The following ZDHHC21 variants were observed in gnomAD, a reference collection of about 807,000 sequenced individuals.
The protein encoded by ZDHHC21 is zDHHC palmitoyltransferase 21.
Under a neutral mutation model 34.6 loss-of-function variants are expected in ZDHHC21, and 15 were observed. The observed-to-expected ratio is 0.43, with a 90% CI of 0.29 to 0.67. The LOEUF is 0.67. ZDHHC21 is among the 30% of genes least tolerant of loss of function. The pLI is 0.14. For synonymous variants in ZDHHC21, 142 were observed against 101.8 expected, an observed-to-expected ratio of 1.40 and a Z score of -2.38; for missense variants, 344 against 327.7, an observed-to-expected ratio of 1.05 and a Z score of -0.38.
Position 14,624,422 on chromosome 9 carries a change from G to A in ZDHHC21, c.622-4740C>T, listed in dbSNP as rs114574601. Among the ~76,000 whole-genome samples, 932 of 152,166 alleles carry A rather than the reference G, an allele frequency of 6.1e-3. 8 individuals are homozygous for A. Among genetic ancestry groups the A allele is most frequent in the African/African-American group, 0.022 (895 of 41,532 alleles). ...AATAGCCAAGATATGGAATCAACCT[G>A]TGTCTAACAGCAGATGAATAAAGTA... On this transcript the variant is annotated intron_variant, in intron 8 of 9. Coordinates refer to ENST00000380916, the MANE Select transcript of ZDHHC21 (RefSeq NM_178566.6).
At chr9:14,644,494 TTGATTTTGTG>T (rs1829941896) in intron 7 of ZDHHC21, among the ~76,000 whole-genome samples, 1 of 151,966 alleles carries the variant, frequency 6.6e-6, no homozygotes, top group Non-Finnish European at 1.5e-5. Flanking sequence ...CTATAGTTGG[TTGATTTTGTG>T]TGTTTTTTTT....
chr9:14,590,221 G>C, the ZDHHC21 span, among the ~76,000 whole-genome samples: 13 of 152,060 alleles, frequency 8.5e-5, no homozygotes, highest in African/African-American at 3.1e-4. Flanking sequence ...GAGTGAACAT[G>C]AAACATAGAA....
downstream of ZDHHC21, among the ~76,000 whole-genome samples, chr9:14,607,679 A>C (rs1157496217): frequency 6.6e-6 from 1 of 152,054 alleles, no homozygotes; most frequent in Non-Finnish European, 1.5e-5. Context: ...GGTTATGTAA[A>C]TTTTAAAAAC....
intron 7 of ZDHHC21, among the ~76,000 whole-genome samples, chr9:14,648,412 C>T (rs1479075562): frequency 6.6e-6 from 1 of 152,010 alleles, no homozygotes; most frequent in East Asian, 1.9e-4. Flanking sequence ...AATAAAGTCT[C>T]CAGTCCAATC....
rs1330583379 is a variant in ZDHHC21, at chr9:14,619,615, T to C, written c.665+24A>G. ...AGTTCTTTCCAATTTTAAATAATAC[T>C]ATACACTTCAGTTTTATACTTACAT... is the stretch of plus-strand genomic sequence containing the variant. On this transcript the variant is annotated intron_variant, in intron 9 of 9. Coordinates refer to ENST00000380916, the MANE Select transcript of ZDHHC21 (RefSeq NM_178566.6). 3 of 1,388,674 alleles carry C rather than the reference T, an allele frequency of 2.2e-6. No individual in the cohort carries two copies. The Admixed American group carries it at 6.1e-5, about 28-fold the overall frequency. The allele number at this position is 1,388,674 out of a possible 1,614,324, so 86.0% of individuals were successfully genotyped here. A position where few individuals can be genotyped will look rare whatever the true frequency, so the allele number is the denominator to read the frequency against.
chr9:14,659,150 C>T (rs1292191635), intron 6 of ZDHHC21, among the ~76,000 whole-genome samples: 2 of 152,098 alleles, frequency 1.3e-5, no homozygotes, highest in East Asian at 1.9e-4. Flanking sequence ...GAAGAGCAGA[C>T]GGTAGTCTCC....
intron 7 of ZDHHC21, among the ~76,000 whole-genome samples, chr9:14,651,482 A>C (rs904451583): frequency 2.0e-5 from 3 of 151,870 alleles, no homozygotes; most frequent in Non-Finnish European, 2.9e-5. Flanking sequence ...AAGGTATTGA[A>C]CTTCTCTGAA....
intron 7 of ZDHHC21, among the ~76,000 whole-genome samples, chr9:14,641,422 A>G (rs759178845): frequency 7.2e-5 from 11 of 152,190 alleles, no homozygotes; most frequent in Non-Finnish European, 1.2e-4. Flanking sequence ...CTGCATTAAC[A>G]CTATTTAAAA....
chr9:14,621,177 C>T (rs1360846429), intron 8 of ZDHHC21, among the ~76,000 whole-genome samples: 2 of 151,792 alleles, frequency 1.3e-5, no homozygotes, highest in Admixed American at 6.6e-5. Context: ...TAGAAGTCAA[C>T]GAGAAAGCTG....
chr9:14,681,845 G>A (rs1338755430), intron 2 of ZDHHC21, among the ~76,000 whole-genome samples: 1 of 151,838 alleles, frequency 6.6e-6, no homozygotes, highest in Non-Finnish European at 1.5e-5. Context: ...AGATCTCTTG[G>A]CAGAAACTCT....
At chr9:14,598,226 C>A in the ZDHHC21 span, among the ~76,000 whole-genome samples, 1 of 152,132 alleles carries the variant, frequency 6.6e-6, no homozygotes, top group African/African-American at 2.4e-5. Context: ...CCAACTGCCT[C>A]TACCACTGGT....
chr9:14,618,442 T>C lies in ZDHHC21; in HGVS notation c.*524A>G, dbSNP rs1159146553. 6.6e-6 allele frequency: 1 copy of C among 152,600 alleles called. No individual in the cohort carries two copies. The highest frequency in any genetic ancestry group is 2.4e-5 in the African/African-American group (1 of 41,458). The allele number at this position is 152,600 out of a possible 1,614,324, so 9.5% of individuals were successfully genotyped here. A position where few individuals can be genotyped will look rare whatever the true frequency, so the allele number is the denominator to read the frequency against. ...TTTGTGTTGCTGTTGTTCACTCCTA[T>C]GCTGCTGCATTTTTAAAAACGTTGC... On this transcript the variant is annotated 3_prime_UTR_variant, in exon 10 of 10. Coordinates refer to ENST00000380916, the MANE Select transcript of ZDHHC21 (RefSeq NM_178566.6).
chr9:14,669,542 G>C (rs570751429), intron 5 of ZDHHC21, among the ~76,000 whole-genome samples: 1 of 151,424 alleles, frequency 6.6e-6, no homozygotes, highest in Admixed American at 6.6e-5. Context: ...CTGCTATAAA[G>C]ACACATGCAC....
chr9:14,640,070 C>T (rs890032697), intron 7 of ZDHHC21, 58 bp from the exon 8 acceptor site: 7 of 888,482 alleles, frequency 7.9e-6, no homozygotes, highest in East Asian at 2.5e-5. Flanking sequence ...TGCTTACAGT[C>T]GCAATAATAA....
chr9:14,650,676 GCCAA>G (rs753412189), intron 7 of ZDHHC21, among the ~76,000 whole-genome samples: 4 of 151,778 alleles, frequency 2.6e-5, no homozygotes, highest in Non-Finnish European at 5.9e-5. Context: ...TTTTTTGTTA[GCCAA>G]AAGGCTAGGC....
chr9:14,657,934 T>A lies in ZDHHC21; in HGVS notation c.504+815A>T, dbSNP rs542173413. ...TGATCTAACTTTAATGCCAATTATA[T>A]CAGAAATTTATCTATAAATAAGATG... On this transcript the variant is annotated intron_variant, in intron 7 of 9. Coordinates refer to ENST00000380916, the MANE Select transcript of ZDHHC21 (RefSeq NM_178566.6). 9.2e-5 allele frequency among the ~76,000 whole-genome samples: 14 copies of A among 152,316 alleles called. No homozygotes were observed. The South Asian group carries it at 1.5e-3, about 16-fold the overall frequency.
chr9:14,594,662 T>A, the ZDHHC21 span, among the ~76,000 whole-genome samples: 2 of 152,138 alleles, frequency 1.3e-5, no homozygotes, highest in African/African-American at 4.8e-5. Flanking sequence ...TTAGATAATA[T>A]CAAAAGCATG....
intron 8 of ZDHHC21, among the ~76,000 whole-genome samples, chr9:14,626,621 C>T (rs890771572): frequency 1.3e-5 from 2 of 151,918 alleles, no homozygotes; most frequent in Non-Finnish European, 2.9e-5. Flanking sequence ...ATTCCACACA[C>T]CATAATTATC....
At chr9:14,629,843 T>A (rs141304333) in intron 8 of ZDHHC21, among the ~76,000 whole-genome samples, 6 of 152,200 alleles carry the variant, frequency 3.9e-5, no homozygotes, top group African/African-American at 1.4e-4. Context: ...GGTCAAGCGA[T>A]CGATACCATC....
Sources: gnomAD v4.1 joint callset for allele counts (sites outside exome capture counted in the v4.1 genomes callset) on GRCh38, gnomAD v4.1.1 for gene constraint, MANE v1.5 for transcripts, NCBI Gene and HGNC (gene_info 2026-07-23, HGNC 2026-07-21) for gene names.